The following ECI1 variants were observed in gnomAD, a reference collection of about 807,000 sequenced individuals.
The protein encoded by ECI1 is enoyl-CoA delta isomerase 1.
In ECI1, 34 loss-of-function variants were observed where a neutral mutation model predicts 34.2. That is an observed-to-expected ratio of 1.00 (90% CI 0.76 to 1.33). The LOEUF (loss-of-function observed/expected upper bound fraction) is 1.33. Among genes scored for constraint, ECI1 ranks in the 40% most tolerant of loss-of-function variants. ECI1 has a pLI of 0.00. For synonymous variants in ECI1, 211 were observed against 193.0 expected, an observed-to-expected ratio of 1.09 and a Z score of -0.77; for missense variants, 456 against 422.2, an observed-to-expected ratio of 1.08 and a Z score of -0.70.
intron 3 of ECI1, among the ~76,000 whole-genome samples, chr16:2,246,555 G>A (rs748615363): frequency 1.5e-4 from 23 of 152,092 alleles, no homozygotes; most frequent in Admixed American, 2.6e-4. Context: ...GCTGTCTCCC[G>A]GGAAGGGCGT....
intron 4 of ECI1, 97 bp downstream of exon 4, chr16:2,244,309 C>T (rs1460757375): frequency 2.1e-6 from 3 of 1,412,550 alleles, no homozygotes; most frequent in Non-Finnish European, 2.9e-6. Flanking sequence ...CGTCCCCTTC[C>T]CCTGTGAGAG....
At chr16:2,251,141 A>G (rs1178310794) in intron 2 of ECI1, among the ~76,000 whole-genome samples, 175 bp downstream of exon 2, 1 of 152,220 alleles carries the variant, frequency 6.6e-6, no homozygotes, top group Non-Finnish European at 1.5e-5. Context: ...TAAAAACAGA[A>G]ACTTTTATCT....
chr16:2,247,182 T>C lies in ECI1; in HGVS notation c.167-196A>G, dbSNP rs897518466. On this transcript the variant is annotated intron_variant, in intron 2 of 6. Transcript: ENST00000301729. ...CGCGATCTCAGCTCACTGCAAGCTC[T>C]GCCTTCCGGGTTCACACCATTCTCC... is the stretch of plus-strand genomic sequence containing the variant. 2.0e-5 allele frequency among the ~76,000 whole-genome samples: 3 copies of C among 152,172 alleles called. No homozygotes were observed. In the East Asian group the frequency reaches 5.8e-4, roughly 29 times the overall value.
At position 2,239,729 on chromosome 16, in the gene ECI1, A is replaced by G. The variant is rs1310498588; in HGVS notation, c.*250T>C. The G allele has an allele frequency of 1.5e-5, 8 of 537,708 alleles. No homozygotes were observed. The highest frequency in any genetic ancestry group is 2.7e-5 in the Non-Finnish European group (8 of 297,684). The allele number at this position is 537,708 out of a possible 1,614,324, so 33.3% of individuals were successfully genotyped here. A position where few individuals can be genotyped will look rare whatever the true frequency, so the allele number is the denominator to read the frequency against. ...GCAACCTCACCAGGTCCAGAATGGC[A>G]TCCCCTGCCAGTCACAATCCCAAGT... On this transcript the variant is annotated 3_prime_UTR_variant, in exon 7 of 7. Transcript: ENST00000301729.
rs555443438 is a variant in ECI1, at chr16:2,248,158, G to A, written c.167-1172C>T. ...GTCGCCCAGGCTGGAGTGCAGTGGC[G>A]CGATCTCAGCTCACTACAACGTCCA... On this transcript the variant is annotated intron_variant, in intron 2 of 6. Coordinates refer to ENST00000301729, the MANE Select transcript of ECI1 (RefSeq NM_001919.4). Among the ~76,000 whole-genome samples, 42 of 152,074 alleles carry A rather than the reference G, an allele frequency of 2.8e-4. No homozygotes were observed. The South Asian group carries it at 4.8e-3, about 17-fold the overall frequency.
In ECI1 at chr16:2,251,314, A is replaced by T; in HGVS notation, c.166+2T>A. On this transcript the variant is annotated splice_donor_variant, in intron 2 of 6. Transcript: ENST00000301729. LOFTEE classifies it high-confidence loss of function. ...CGCCCTCCCTCGGCGCCGCCCGCTC[A>T]CCTGCGCCCGCGTCCGGCTCCACCA... 8.3e-7 allele frequency: 1 copy of T among 1,205,902 alleles called. No individual in the cohort carries two copies. Among genetic ancestry groups the T allele is most frequent in the Non-Finnish European group, 1.0e-6 (1 of 965,280 alleles). The allele number at this position is 1,205,902 out of a possible 1,614,324, so 74.7% of individuals were successfully genotyped here.
chr16:2,240,183 C>G, intron 6 of ECI1, 38 bp from the exon 7 acceptor site: 14 of 1,607,290 alleles, frequency 8.7e-6, no homozygotes, highest in Non-Finnish European at 1.2e-5. Context: ...ATCCCACTTT[C>G]AGGGGCAGTG....
intron 2 of ECI1, among the ~76,000 whole-genome samples, chr16:2,248,133 G>T (rs923568930): frequency 1.3e-5 from 2 of 151,202 alleles, no homozygotes; most frequent in South Asian, 4.2e-4. Context: ...AGTCTCGCTC[G>T]TCGCCCAGGC....
At chr16:2,242,996 C>T in intron 6 of ECI1, 50 bp downstream of exon 6, 1 of 1,454,818 alleles carries the variant, frequency 6.9e-7, no homozygotes, top group Non-Finnish European at 9.5e-7. Flanking sequence ...GGTGGAGAAC[C>T]TTCTGGTCTC....
Position 2,239,628 on chromosome 16 carries a change from C to T in ECI1, c.*351G>A. 2.7e-6 allele frequency: 1 copy of T among 366,994 alleles called. No individual in the cohort carries two copies. Among genetic ancestry groups the T allele is most frequent in the Non-Finnish European group, 5.3e-6 (1 of 189,018 alleles). 22.7% of individuals were successfully genotyped at this position (366,994 alleles called of 1,614,324 possible). A position where few individuals can be genotyped will look rare whatever the true frequency, so the allele number is the denominator to read the frequency against. On this transcript the variant is annotated 3_prime_UTR_variant, in exon 7 of 7. Coordinates refer to ENST00000301729, the MANE Select transcript of ECI1 (RefSeq NM_001919.4). ...GACCACCTGGCCTTACACCTAAGAG[C>T]AGGCAGTCCAAAGGCCAGAATGGAT...
Position 2,244,431 on chromosome 16 carries a change from T to C in ECI1, c.416A>G (p.Asn139Ser). Residue 139 changes from asparagine (N) to serine (S), a missense_variant, in exon 4 of 7, where the codon AAC becomes AGC. Transcript: ENST00000301729. ...QELWLRLYQS[N>S]LVLVSAINGA... ...GTTGATGGCGGAGACCAGCACCAGG[T>C]TGGACTGGTACAACCGCAGCCACAG... 1.2e-6 allele frequency: 2 copies of C among 1,612,382 alleles called. No individual in the cohort carries two copies. The highest frequency in any genetic ancestry group is 1.1e-5 in the South Asian group (1 of 90,876).
In ECI1 at chr16:2,245,534, C is replaced by T. The variant is rs758176095; in HGVS notation, c.295-982G>A. Among the ~76,000 whole-genome samples the T allele has an allele frequency of 6.6e-5, 10 of 152,110 alleles. 1 individual carries two copies. The highest frequency in any genetic ancestry group is 2.0e-4 in the Admixed American group (3 of 15,264). On this transcript the variant is annotated intron_variant, in intron 3 of 6. Coordinates refer to ENST00000301729, the MANE Select transcript of ECI1 (RefSeq NM_001919.4). ...CTGGTGCCGCACAGAATGGGTAGGC[C>T]GGTCCTTTGTTTCTACAAAACGCGT...
intron 3 of ECI1, among the ~76,000 whole-genome samples, chr16:2,245,349 C>T (rs1277471675): frequency 6.6e-5 from 10 of 152,206 alleles, no homozygotes; most frequent in Non-Finnish European, 1.5e-5. Context: ...GGATGTTTAC[C>T]CCGCCCTGTC....
At chr16:2,249,826 G>A (rs918385199) in intron 2 of ECI1, among the ~76,000 whole-genome samples, 3 of 135,296 alleles carry the variant, frequency 2.2e-5, no homozygotes, top group African/African-American at 8.4e-5. Flanking sequence ...TGCAGTGAGC[G>A]GAGATCGTGC....
chr16:2,239,792 A>C lies in ECI1; in HGVS notation c.*187T>G. Reference sequence around the variant, plus strand: ...CTCCAACTCCCCTTGCCTGACGGGCACAGGCACCCATGTGTGTTTGTGTGT... The same window carrying C: ...CTCCAACTCCCCTTGCCTGACGGGCCCAGGCACCCATGTGTGTTTGTGTGT... On this transcript the variant is annotated 3_prime_UTR_variant, in exon 7 of 7. Transcript: ENST00000301729. 3.1e-6 allele frequency: 2 copies of C among 652,362 alleles called. No homozygotes were observed. The highest frequency in any genetic ancestry group is 5.4e-6 in the Non-Finnish European group (2 of 367,780). The allele number at this position is 652,362 out of a possible 1,614,324, so 40.4% of individuals were successfully genotyped here.
At chr16:2,242,702 C>A (rs562140387) in intron 6 of ECI1, 2 of 365,764 alleles carry the variant, frequency 5.5e-6, no homozygotes, top group East Asian at 5.7e-5. Context: ...GAGAAAGCTG[C>A]GTAAGGATGG....
At chr16:2,249,751 G>A (rs1383600612) in intron 2 of ECI1, among the ~76,000 whole-genome samples, 7 of 151,168 alleles carry the variant, frequency 4.6e-5, no homozygotes, top group South Asian at 4.2e-4. Flanking sequence ...GGTGGCGGGC[G>A]CCTGTAGTCC....
At chr16:2,246,831 T>A (rs764387323) in intron 3 of ECI1, 28 bp downstream of exon 3, 15 of 1,611,408 alleles carry the variant, frequency 9.3e-6, no homozygotes, top group Non-Finnish European at 1.3e-5. Context: ...GAACTCGGGC[T>A]GGGGTAGGGA....
rs533542997 is a variant in ECI1, at chr16:2,248,656, C to T, written c.167-1670G>A. On this transcript the variant is annotated intron_variant, in intron 2 of 6. Coordinates refer to ENST00000301729, the MANE Select transcript of ECI1 (RefSeq NM_001919.4). ...CATGAACTTCTGACCTCAGGTGATC[C>T]TCCTGCCTCGGCCTCCCAAAGTGAT... Among the ~76,000 whole-genome samples, 13 of 151,232 alleles carry T rather than the reference C, an allele frequency of 8.6e-5. No homozygotes were observed. The East Asian group carries it at 2.2e-3, about 25-fold the overall frequency.
Sources: gnomAD v4.1 joint callset for allele counts (sites outside exome capture counted in the v4.1 genomes callset) on GRCh38, gnomAD v4.1.1 for gene constraint, MANE v1.5 for transcripts, NCBI Gene and HGNC (gene_info 2026-07-23, HGNC 2026-07-21) for gene names.